Variants in NAV3 observed in about 807,000 individuals in gnomAD.
The protein encoded by NAV3 is neuron navigator 3.
Under a neutral mutation model 244.7 loss-of-function variants are expected in NAV3, and 87 were observed. The observed-to-expected ratio is 0.36, with a 90% CI of 0.30 to 0.42. NAV3 has a LOEUF of 0.42. Among genes scored for constraint, NAV3 ranks in the 20% least tolerant of loss-of-function variants. NAV3 has a pLI of 1.00. For synonymous variants in NAV3, 1,126 were observed against 1,042.2 expected (o/e 1.08, Z -1.55); for missense variants, 2,663 against 2,893.3 (o/e 0.92, Z 1.83).
At chr12:78,128,954 G>A (rs550695773) in intron 18 of NAV3, 88 bp downstream of exon 18, 164 of 1,268,086 alleles carry the variant, frequency 1.3e-4, no homozygotes, top group African/African-American at 1.3e-4. Flanking sequence ...AACACAACAC[G>A]TTTTCATTTA....
chr12:77,985,634 T>C (rs1870374723), intron 5 of NAV3, among the ~76,000 whole-genome samples: 1 of 152,116 alleles, frequency 6.6e-6, no homozygotes, highest in South Asian at 2.1e-4. Flanking sequence ...ACACGAGCGA[T>C]GTTCAACCTC....
At chr12:77,939,231 C>G (rs1889628286) in intron 1 of NAV3, among the ~76,000 whole-genome samples, 1 of 152,092 alleles carries the variant, frequency 6.6e-6, no homozygotes, top group Non-Finnish European at 1.5e-5. Context: ...TTTAGACATT[C>G]TGCCTCAATT....
intron 1 of NAV3, among the ~76,000 whole-genome samples, chr12:77,873,704 TATATAC>T (rs2136488887): frequency 7.5e-6 from 1 of 133,834 alleles, no homozygotes; most frequent in South Asian, 2.5e-4. Flanking sequence ...TATATATATA[TATATAC>T]ATGATTTGCT....
intron 2 of NAV3, among the ~76,000 whole-genome samples, chr12:77,732,555 C>T (rs1182280688): frequency 2.0e-5 from 3 of 151,930 alleles, no homozygotes; most frequent in African/African-American, 7.2e-5. Context: ...TCATTGCTAA[C>T]ATTTACTGAG....
At position 77,880,530 on chromosome 12, in the gene NAV3, T is replaced by C. The variant is rs557839326; in HGVS notation, c.243+48826T>C. Reference sequence around the variant, plus strand: ...AAAAGTGAGTGACGCCTTCTGGAGTTATGTGGTTCATTGATGCTGTTTCCA... The same window carrying C: ...AAAAGTGAGTGACGCCTTCTGGAGTCATGTGGTTCATTGATGCTGTTTCCA... On this transcript the variant is annotated intron_variant, in intron 1 of 39. Transcript: ENST00000397909. 2.6e-5 allele frequency among the ~76,000 whole-genome samples: 4 copies of C among 152,278 alleles called. No individual in the cohort carries two copies. The East Asian group carries it at 7.7e-4, about 29-fold the overall frequency.
chr12:77,729,983 A>G (rs976625825), intron 2 of NAV3, among the ~76,000 whole-genome samples: 7 of 151,948 alleles, frequency 4.6e-5, no homozygotes. Context: ...GTATATGGGA[A>G]TGAGGGGTAT....
At chr12:77,855,936 T>C (rs1027536285) in intron 1 of NAV3, among the ~76,000 whole-genome samples, 4 of 152,248 alleles carry the variant, frequency 2.6e-5, no homozygotes, top group Non-Finnish European at 5.9e-5. Flanking sequence ...CTTAAATTTT[T>C]GGTGGTGTAT....
Position 77,968,530 on chromosome 12 carries a change from G to A in NAV3, c.499G>A (p.Gly167Arg), listed in dbSNP as rs2137987848. The change falls in exon 5 of 40, where the codon GGA becomes AGA. Residue 167 changes from glycine (G) to arginine (R), a missense_variant. Physicochemically the swap from Gly to Arg is moderately radical, Grantham distance 125. Transcript: ENST00000397909. ...TTCATTTCATACAGAAATAAGAAAT[G>A]GAAACTTAAAAGCCATTCTAGGGCT... ...QGLSAEEIRN[G>R]NLKAILGLFF... is the part of the protein sequence containing the mutation. The A allele has an allele frequency of 6.2e-7, 1 of 1,612,390 alleles. No homozygotes were observed. Among genetic ancestry groups the A allele is most frequent in the African/African-American group, 1.3e-5 (1 of 74,974 alleles).
chr12:78,149,059 A>AT (rs1295549959), intron 22 of NAV3, 140 bp downstream of exon 22: 10 of 689,394 alleles, frequency 1.5e-5, no homozygotes, highest in Middle Eastern at 4.1e-4. Context: ...AAAAGTTAAC[A>AT]TTTTTTGCCT....
intron 18 of NAV3, among the ~76,000 whole-genome samples, chr12:78,135,592 G>A (rs1956338910): frequency 6.6e-6 from 1 of 152,094 alleles, no homozygotes; most frequent in Non-Finnish European, 1.5e-5. Context: ...TTGCAAATTT[G>A]TTTAATACTT....
intron 2 of NAV3, among the ~76,000 whole-genome samples, chr12:77,768,104 G>C (rs186782262): frequency 6.6e-6 from 1 of 152,312 alleles, no homozygotes; most frequent in East Asian, 1.9e-4. Flanking sequence ...CTATCCACAG[G>C]TAGGTCATCC....
In NAV3 at chr12:78,118,193, C is replaced by A; in HGVS notation, c.2936C>A (p.Ala979Asp). 2 of 1,613,972 alleles carry A rather than the reference C, an allele frequency of 1.2e-6. No individual in the cohort carries two copies. The highest frequency in any genetic ancestry group is 8.5e-7 in the Non-Finnish European group (1 of 1,179,980). Reference sequence around the variant, plus strand: ...GACCCCGAGAAGGCAGGGCAGAAAGCTTCCCTGTCTGTTTCACAGACAGGT... The same window carrying A: ...GACCCCGAGAAGGCAGGGCAGAAAGATTCCCTGTCTGTTTCACAGACAGGT... ...PEDPEKAGQK[A>D]SLSVSQTGSW... Residue 979 changes from alanine to aspartate, a missense_variant, in exon 14 of 40, where the codon GCT (alanine) becomes GAT (aspartate). Ala to Asp is a moderately radical substitution (Grantham distance 126). Coordinates refer to ENST00000397909, the MANE Select transcript of NAV3 (RefSeq NM_001024383.2).
intron 5 of NAV3, among the ~76,000 whole-genome samples, chr12:77,970,289 G>A (rs545403416): frequency 2.7e-4 from 41 of 152,194 alleles, no homozygotes; most frequent in Admixed American, 1.9e-3. Context: ...CCTTGAGTTT[G>A]GTAATTAGAA....
intron 1 of NAV3, among the ~76,000 whole-genome samples, chr12:77,842,979 G>A (rs180705098): frequency 1.6e-4 from 25 of 152,064 alleles, no homozygotes; most frequent in African/African-American, 6.0e-4. Flanking sequence ...TCTCTTTATT[G>A]TCCCTGAATG....
chr12:77,985,322 C>T (rs780666516), intron 5 of NAV3, among the ~76,000 whole-genome samples: 6 of 152,136 alleles, frequency 3.9e-5, no homozygotes, highest in Non-Finnish European at 8.8e-5. Flanking sequence ...TCATGTTTGT[C>T]AGAATAACGA....
chr12:77,595,646 A>G (rs1870132824), intron 2 of NAV3, among the ~76,000 whole-genome samples: 1 of 152,148 alleles, frequency 6.6e-6, no homozygotes, highest in Non-Finnish European at 1.5e-5. Context: ...CATAAGCCCT[A>G]AATATATATA....
intron 20 of NAV3, chr12:78,143,470 A>C: frequency 2.7e-6 from 1 of 372,232 alleles, no homozygotes; most frequent in Non-Finnish European, 5.3e-6. Flanking sequence ...GTCTCTACTA[A>C]AAATACAGAA....
intron 9 of NAV3, among the ~76,000 whole-genome samples, chr12:78,044,774 T>C (rs111921643): frequency 0.057 from 8,731 of 152,282 alleles, 724 homozygotes; most frequent in African/African-American, 0.19. Flanking sequence ...TTTCGCATGT[T>C]GATTTTGTAT....
chr12:78,028,651 T>TTTA (rs1281441391), intron 9 of NAV3, among the ~76,000 whole-genome samples: 2 of 152,164 alleles, frequency 1.3e-5, no homozygotes, highest in Non-Finnish European at 2.9e-5. Flanking sequence ...TTCTTACCAG[T>TTTA]TTATTATTAT....
Sources: gnomAD v4.1 joint callset for allele counts (sites outside exome capture counted in the v4.1 genomes callset) on GRCh38, gnomAD v4.1.1 for gene constraint, MANE v1.5 for transcripts, NCBI Gene and HGNC (gene_info 2026-07-23, HGNC 2026-07-21) for gene names.